Variants in COL6A3 observed in about 807,000 individuals in gnomAD.
The protein encoded by COL6A3 is collagen alpha-3(VI) chain.
A neutral mutation model predicts 274.1 loss-of-function variants in COL6A3; 137 were observed. The ratio of observed to expected loss-of-function variants is 0.50; its 90% CI spans 0.44 to 0.58. The LOEUF (loss-of-function observed/expected upper bound fraction) is 0.58. COL6A3 is among the 20% of genes least tolerant of loss of function. The pLI is 0.00. For missense variants in COL6A3, 3,950 were observed against 4,124.9 expected (o/e 0.96, Z 1.16); for synonymous variants, 1,650 against 1,650.6 (o/e 1.00, Z 0.01).
intron 8 of COL6A3, among the ~76,000 whole-genome samples, chr2:237,372,730 A>T (rs764367061): frequency 1.8e-4 from 28 of 152,320 alleles, no homozygotes; most frequent in Admixed American, 5.9e-4. Flanking sequence ...TGAATGACAA[A>T]GTAGGGTGGG....
At chr2:237,375,973 T>C (rs1292863499) in intron 7 of COL6A3, among the ~76,000 whole-genome samples, 2 of 152,256 alleles carry the variant, frequency 1.3e-5, no homozygotes, top group Non-Finnish European at 2.9e-5. Flanking sequence ...CTTTCAAAGA[T>C]GTATTCAAGA....
intron 1 of COL6A3, among the ~76,000 whole-genome samples, chr2:237,404,592 G>C (rs184955967): frequency 3.9e-5 from 6 of 152,320 alleles, no homozygotes; most frequent in Non-Finnish European, 8.8e-5. Flanking sequence ...TTGAGTCTGG[G>C]ATGGGAAGAG....
Position 237,374,420 on chromosome 2 carries a change from G to A in COL6A3, c.3671C>T (p.Pro1224Leu), listed in dbSNP as rs754323567. Residue 1224 changes from proline to leucine, a missense_variant, in exon 8 of 44, where the codon CCG becomes CTG. Transcript: ENST00000295550. The surrounding 1 kb of genome is among the most constrained non-coding windows in gnomAD (Gnocchi z 4.8). ...AAGAGTTCCCTGCGTACCTGGGCTC[G>A]GTAGAGGCTGCAACACCGGCTGCAG... ...SRLQPVLQPL[P>L]SPGVGGKRDV... 4.0e-5 allele frequency: 64 copies of A among 1,612,646 alleles called. No individual in the cohort carries two copies. The highest frequency in any genetic ancestry group is 3.3e-4 in the Middle Eastern group (2 of 6,082).
rs570275702 is a variant in COL6A3 at position 237,413,337 on chromosome 2, G to T, written c.-31+616C>A. Among the ~76,000 whole-genome samples, 1 of 152,318 alleles carries T rather than the reference G, an allele frequency of 6.6e-6. No individual in the cohort carries two copies. Among genetic ancestry groups the T allele is most frequent in the African/African-American group, 2.4e-5 (1 of 41,582 alleles). On this transcript the variant is annotated intron_variant, in intron 1 of 43. Coordinates refer to ENST00000295550, the MANE Select transcript of COL6A3 (RefSeq NM_004369.4). This position sits in a 1 kb window ranked among gnomAD's most constrained non-coding sequence, Gnocchi z 4.0. ...ACAAAGTCTCCAATAGAGACTTCAG[G>T]TTCCTGGAAAGACGAAAGCTTGACG...
Position 237,367,017 on chromosome 2 carries a change from C to T in COL6A3, c.5170G>A (p.Glu1724Lys), listed in dbSNP as rs398124122. The change falls in exon 11 of 44, where the codon GAG (glutamate) becomes AAG (lysine). Residue 1724 changes from glutamate (E) to lysine (K), a missense_variant. Around this residue, in one of 5 missense-constraint regions of COL6A3, gnomAD observed 632 missense variants for 623.4 expected, o/e 1.01. Coordinates refer to ENST00000295550, the MANE Select transcript of COL6A3 (RefSeq NM_004369.4). ...GRHANTKVGL[E>K]HLRVNHFVPE... ...ACAAAGTGGTTTACCCGCAGGTGCT[C>T]AAGGCCCACCTTAGTGTTGGCGTGT... The T allele has an allele frequency of 6.2e-7, 1 of 1,614,238 alleles. No homozygotes were observed. The highest frequency in any genetic ancestry group is 8.5e-7 in the Non-Finnish European group (1 of 1,180,046).
chr2:237,343,450 G>T (rs1312122429), intron 36 of COL6A3: 1 of 143,272 alleles, frequency 7.0e-6, no homozygotes, highest in Non-Finnish European at 1.5e-5. Flanking sequence ...GGAAGGTGGA[G>T]GTTGCAGTGA....
rs755613566 is a variant in COL6A3 at position 237,325,701 on chromosome 2, C to T, written c.9352G>A (p.Glu3118Lys). Residue 3118 changes from glutamate (E) to lysine (K), a missense_variant, in exon 43 of 44, where the codon GAA becomes AAA. Around this residue, in one of 5 missense-constraint regions of COL6A3, gnomAD observed 1,284 missense variants for 1,349.7 expected, o/e 0.95. Transcript: ENST00000295550. ...ETDICKLPKDEGTCRDFILKW... is the reference protein window; with the variant it reads ...ETDICKLPKDKGTCRDFILKW... ...AATATGAAATCCCTGCAAGTTCCTT[C>T]GTCTTTCGGCAACTTGCATATATCT... 6.8e-6 allele frequency: 11 copies of T among 1,613,920 alleles called. No homozygotes were observed. Among genetic ancestry groups the T allele is most frequent in the South Asian group, 6.6e-5 (6 of 91,072 alleles).
At chr2:237,370,705 T>A (rs1049339779) in intron 9 of COL6A3, among the ~76,000 whole-genome samples, 2 of 152,218 alleles carry the variant, frequency 1.3e-5, no homozygotes, top group Admixed American at 6.5e-5. Context: ...TTGGGCAATT[T>A]ACGGTGTAAA....
rs112995858 is a variant in COL6A3 at position 237,337,659 on chromosome 2, G to T, written c.8568-1127C>A. On this transcript the variant is annotated intron_variant, in intron 39 of 43. Coordinates refer to ENST00000295550, the MANE Select transcript of COL6A3 (RefSeq NM_004369.4). Reference sequence around the variant, plus strand: ...TGCAGAATCTGCACTTCCCTCCAAAGCATGACACACTGTGACATTCTCTTA... The same window carrying T: ...TGCAGAATCTGCACTTCCCTCCAAATCATGACACACTGTGACATTCTCTTA... 3.6e-3 allele frequency among the ~76,000 whole-genome samples: 552 copies of T among 152,348 alleles called. 7 individuals are homozygous for T. Among genetic ancestry groups the T allele is most frequent in the African/African-American group, 0.012 (517 of 41,590 alleles).
chr2:237,387,666 C>T lies in COL6A3; in HGVS notation c.1228G>A (p.Asp410Asn), dbSNP rs35914491. ...FTVPEFRSFG[D>N]LQEKLLPYIV... ...TACGGCAGTAATTTCTCCTGGAGGT[C>T]CCCAAAGCTACGGAATTCCGGGACA... Residue 410 changes from aspartate to asparagine, a missense_variant, in exon 4 of 44, where the codon GAC becomes AAC. This residue lies in a region of COL6A3 where 1,934 missense variants were observed against 1,984.3 expected (regional missense o/e 0.97). Coordinates refer to ENST00000295550, the MANE Select transcript of COL6A3 (RefSeq NM_004369.4). The T allele has an allele frequency of 7.5e-4, 1,205 of 1,613,792 alleles. 7 individuals carry two copies. The highest frequency in any genetic ancestry group is 3.9e-4 in the Non-Finnish European group (463 of 1,179,852).
chr2:237,376,553 T>C (rs2077845659), intron 7 of COL6A3, among the ~76,000 whole-genome samples: 1 of 152,186 alleles, frequency 6.6e-6, no homozygotes, highest in Admixed American at 6.5e-5. Flanking sequence ...CCCTTAAAAA[T>C]ACTCACCCTC....
In COL6A3 at chr2:237,361,291, C is replaced by T. The variant is rs2077431897; in HGVS notation, c.6157-117G>A. ...CAGCACTAAAACTCAGCATGGCTTT[C>T]CCTGTTACTGCTTTTCCCCTCAGTA... On this transcript the variant is annotated intron_variant, in intron 15 of 43. Coordinates refer to ENST00000295550, the MANE Select transcript of COL6A3 (RefSeq NM_004369.4). The surrounding 1 kb of genome is among the most constrained non-coding windows in gnomAD (Gnocchi z 5.1). The T allele has an allele frequency of 9.2e-6, 8 of 871,778 alleles. No individual in the cohort carries two copies. In the East Asian group the frequency reaches 1.8e-4, roughly 20 times the overall value. The allele number at this position is 871,778 out of a possible 1,614,324, so 54.0% of individuals were successfully genotyped here.
Position 237,371,095 on chromosome 2 carries a change from A to G in COL6A3, c.4285+637T>C, listed in dbSNP as rs1474480497. 6.6e-6 allele frequency among the ~76,000 whole-genome samples: 1 copy of G among 152,174 alleles called. No individual in the cohort carries two copies. The highest frequency in any genetic ancestry group is 1.9e-4 in the East Asian group (1 of 5,200). On this transcript the variant is annotated intron_variant, in intron 9 of 43. Coordinates refer to ENST00000295550, the MANE Select transcript of COL6A3 (RefSeq NM_004369.4). This position sits in a 1 kb window ranked among gnomAD's most constrained non-coding sequence, Gnocchi z 4.3. ...AGAATCACCTCCACGTCTTGACAAC[A>G]TCCAATCCAGGCCACAGTTCCATTT...
In COL6A3 at chr2:237,360,164, T is replaced by C. The variant is rs2077402693; in HGVS notation, c.6211-5A>G. Reference sequence around the variant, plus strand: ...ACCAGGCGGACCACGCTCACCCTGTTGTGAGAGACAAAGGCATTTTGCAAG... The same window carrying C: ...ACCAGGCGGACCACGCTCACCCTGTCGTGAGAGACAAAGGCATTTTGCAAG... On this transcript the variant is annotated splice_polypyrimidine_tract_variant and splice_region_variant and intron_variant, in intron 16 of 43. Coordinates refer to ENST00000295550, the MANE Select transcript of COL6A3 (RefSeq NM_004369.4). The C allele has an allele frequency of 6.2e-7, 1 of 1,614,128 alleles. No homozygotes were observed. Among genetic ancestry groups the C allele is most frequent in the Non-Finnish European group, 8.5e-7 (1 of 1,180,002 alleles).
Position 237,361,114 on chromosome 2 carries a change from T to G in COL6A3, c.6210+7A>C. 1 of 1,613,784 alleles carries G rather than the reference T, an allele frequency of 6.2e-7. No homozygotes were observed. The highest frequency in any genetic ancestry group is 8.5e-7 in the Non-Finnish European group (1 of 1,179,672). Reference sequence around the variant, plus strand: ...AAATTTTAGGGACTAAAACAATTTTTACTTACGGGTCCACCCTCATCACCA... The same window carrying G: ...AAATTTTAGGGACTAAAACAATTTTGACTTACGGGTCCACCCTCATCACCA... On this transcript the variant is annotated splice_region_variant and intron_variant, in intron 16 of 43. Transcript: ENST00000295550. This position sits in a 1 kb window ranked among gnomAD's most constrained non-coding sequence, Gnocchi z 5.1.
At chr2:237,405,775 G>T (rs1248593450) in intron 1 of COL6A3, among the ~76,000 whole-genome samples, 1 of 152,102 alleles carries the variant, frequency 6.6e-6, no homozygotes, top group Non-Finnish European at 1.5e-5. Context: ...ATTTGGCCCA[G>T]ATCTCAAGGA....
At chr2:237,341,263 G>A (rs1045009619) in intron 37 of COL6A3, 113 bp from the exon 38 acceptor site, 21 of 1,130,858 alleles carry the variant, frequency 1.9e-5, no homozygotes, top group Middle Eastern at 2.7e-4. Flanking sequence ...GATCAAAAGC[G>A]GGCCGGAAGC....
Position 237,341,294 on chromosome 2 carries a change from C to T in COL6A3, c.7766-144G>A, listed in dbSNP as rs2076982629. The T allele has an allele frequency of 3.7e-6, 3 of 801,556 alleles. No homozygotes were observed. The South Asian group carries it at 4.3e-5, about 12-fold the overall frequency. 49.7% of individuals were successfully genotyped at this position (801,556 alleles called of 1,614,324 possible). A position where few individuals can be genotyped will look rare whatever the true frequency, so the allele number is the denominator to read the frequency against. ...GAAGCGGTGGCTCACGCCTGTAATC[C>T]CAGCACTTTGGGAGGCCGAGGCAGG... On this transcript the variant is annotated intron_variant, in intron 37 of 43. Coordinates refer to ENST00000295550, the MANE Select transcript of COL6A3 (RefSeq NM_004369.4).
At chr2:237,335,005 A>C (rs973623502) in intron 40 of COL6A3, 116 bp from the exon 41 acceptor site, 21 of 1,260,348 alleles carry the variant, frequency 1.7e-5, no homozygotes, top group Admixed American at 1.8e-5. Flanking sequence ...CTTGAAATTT[A>C]GCTGAGGCGG....
Sources: allele counts gnomAD v4.1 joint callset (sites outside exome capture counted in the v4.1 genomes callset), GRCh38; gene constraint gnomAD v4.1.1; regional missense constraint gnomAD v4.1.1; non-coding constraint Gnocchi (gnomAD v3.1); transcripts MANE v1.5; gene names NCBI Gene and HGNC (gene_info 2026-07-23, HGNC 2026-07-21).